Variants in CLVS1 observed in about 807,000 individuals in gnomAD.
CLVS1 encodes clavesin 1, also known as clavesin-1.
CLVS1 carries 10 observed loss-of-function variants against 33.1 expected under a neutral mutation model. The ratio of observed to expected loss-of-function variants is 0.30; its 90% confidence interval spans 0.19 to 0.51. The LOEUF is 0.51. CLVS1 is among the 20% of genes least tolerant of loss of function. CLVS1 has a pLI of 0.97. For synonymous variants in CLVS1, 163 were observed against 166.1 expected (o/e 0.98, Z 0.14); for missense variants, 343 against 433.4 (o/e 0.79, Z 1.85).
At chr8:61,257,532 C>T (rs564751911) in intron 2 of CLVS1, among the ~76,000 whole-genome samples, 35 of 152,104 alleles carry the variant, frequency 2.3e-4, no homozygotes, top group African/African-American at 4.1e-4. Context: ...CTTTTAAAGA[C>T]GGAGTGGTAA....
chr8:61,058,304 A>G (rs1003763128), intron 1 of CLVS1, among the ~76,000 whole-genome samples: 2 of 152,190 alleles, frequency 1.3e-5, no homozygotes, highest in African/African-American at 4.8e-5. Context: ...CCAGAGATGG[A>G]GACGTGGCTG....
chr8:61,477,584 A>G (rs373046790), intron 5 of CLVS1, among the ~76,000 whole-genome samples: 5 of 152,094 alleles, frequency 3.3e-5, no homozygotes, highest in East Asian at 1.9e-4. Flanking sequence ...GTTTATTTGC[A>G]TAGAGGTGTT....
At chr8:61,092,716 A>G (rs1003478768) in intron 1 of CLVS1, among the ~76,000 whole-genome samples, 3 of 152,114 alleles carry the variant, frequency 2.0e-5, no homozygotes, top group Admixed American at 2.0e-4. Flanking sequence ...ACATTTAAAG[A>G]CCTTTGCGAT....
At chr8:61,054,495 G>A (rs988823996), upstream of CLVS1, among the ~76,000 whole-genome samples, 2 of 152,164 alleles carry the variant, frequency 1.3e-5, no homozygotes, top group African/African-American at 4.8e-5. Context: ...TAGGGGAAGC[G>A]GTTGCTAAAA....
At chr8:61,475,224 C>A (rs1817877037) in intron 5 of CLVS1, among the ~76,000 whole-genome samples, 1 of 152,162 alleles carries the variant, frequency 6.6e-6, no homozygotes, top group Admixed American at 6.5e-5. Flanking sequence ...GGTTCCAAGT[C>A]TTTGCTATTG....
chr8:61,401,364 C>G (rs923979857), intron 3 of CLVS1, among the ~76,000 whole-genome samples: 1 of 151,874 alleles, frequency 6.6e-6, no homozygotes, highest in South Asian at 2.1e-4. Context: ...ATGTGAAAAG[C>G]CTTCAGTCTT....
intron 2 of CLVS1, among the ~76,000 whole-genome samples, chr8:61,225,361 T>C (rs1275157627): frequency 1.3e-5 from 2 of 152,104 alleles, no homozygotes; most frequent in African/African-American, 4.8e-5. Context: ...ATGTAAAAGT[T>C]TCTTTATGCA....
chr8:61,428,365 GAA>G (rs1815973414), intron 3 of CLVS1, among the ~76,000 whole-genome samples: 1 of 152,138 alleles, frequency 6.6e-6, no homozygotes, highest in African/African-American at 2.4e-5. Flanking sequence ...AGAAAGGAGA[GAA>G]AGAGCAAAAT....
intron 3 of CLVS1, among the ~76,000 whole-genome samples, chr8:61,416,331 T>C (rs868799367): frequency 6.6e-6 from 1 of 152,076 alleles, no homozygotes; most frequent in South Asian, 2.1e-4. Context: ...CATACATACA[T>C]ACATACATAC....
At chr8:61,007,401 G>A in the CLVS1 span, among the ~76,000 whole-genome samples, 1 of 152,148 alleles carries the variant, frequency 6.6e-6, no homozygotes, top group Non-Finnish European at 1.5e-5. Context: ...ATTTAGATTT[G>A]GCTATTTGTA....
At chr8:61,261,338 C>A (rs1039199257) in intron 2 of CLVS1, among the ~76,000 whole-genome samples, 4 of 152,176 alleles carry the variant, frequency 2.6e-5, no homozygotes, top group African/African-American at 9.7e-5. Flanking sequence ...GTTTACTATC[C>A]TTTGACTAAC....
At chr8:61,294,276 G>T (rs1810107073) in intron 1 of CLVS1, among the ~76,000 whole-genome samples, 1 of 152,182 alleles carries the variant, frequency 6.6e-6, no homozygotes, top group Non-Finnish European at 1.5e-5. Context: ...TGTTCTTTCA[G>T]CCATATCTAA....
At chr8:61,428,192 G>C (rs1294366386) in intron 3 of CLVS1, among the ~76,000 whole-genome samples, 1 of 152,208 alleles carries the variant, frequency 6.6e-6, no homozygotes, top group Non-Finnish European at 1.5e-5. Context: ...GAGTCCACCT[G>C]CTTAGAAGGC....
intron 5 of CLVS1, among the ~76,000 whole-genome samples, chr8:61,478,600 T>C (rs141672349): frequency 0.087 from 13,228 of 152,250 alleles, 665 homozygotes; most frequent in Non-Finnish European, 0.12. Flanking sequence ...TTGATCTTTG[T>C]TGGTTTAAAG....
At chr8:61,429,170 C>T (rs1054818670) in intron 3 of CLVS1, among the ~76,000 whole-genome samples, 1 of 151,830 alleles carries the variant, frequency 6.6e-6, no homozygotes, top group African/African-American at 2.4e-5. Context: ...GCCTGTAATC[C>T]CAGCACTTTG....
intron 3 of CLVS1, among the ~76,000 whole-genome samples, chr8:61,434,826 T>C (rs565446948): frequency 2.0e-5 from 3 of 152,286 alleles, no homozygotes; most frequent in South Asian, 4.1e-4. Context: ...TGGTTCTCAG[T>C]TGATTATCTC....
intron 1 of CLVS1, among the ~76,000 whole-genome samples, chr8:61,063,443 C>G (rs1360167463): frequency 6.6e-6 from 1 of 152,104 alleles, no homozygotes; most frequent in Non-Finnish European, 1.5e-5. Flanking sequence ...ATTACAGAGA[C>G]AGGGACCTGT....
intron 3 of CLVS1, among the ~76,000 whole-genome samples, chr8:61,407,424 T>A (rs1815036233): frequency 6.6e-6 from 1 of 152,248 alleles, no homozygotes; most frequent in Admixed American, 6.5e-5. Flanking sequence ...GTAAATGTAA[T>A]CTTGTGGTTA....
At chr8:61,276,557 A>G (rs1339505785) in intron 2 of CLVS1, among the ~76,000 whole-genome samples, 1 of 152,180 alleles carries the variant, frequency 6.6e-6, no homozygotes, top group Non-Finnish European at 1.5e-5. Context: ...ATTTTTCCAT[A>G]GGCAGCACTT....
Sources: gnomAD v4.1 joint callset for allele counts (sites outside exome capture counted in the v4.1 genomes callset) on GRCh38, gnomAD v4.1.1 for gene constraint, MANE v1.5 for transcripts, NCBI Gene and HGNC (gene_info 2026-07-23, HGNC 2026-07-21) for gene names.